Variants in QSOX2 observed in about 807,000 individuals in gnomAD.
QSOX2 encodes quiescin sulfhydryl oxidase 2, also known as sulfhydryl oxidase 2.
In QSOX2, 46 loss-of-function variants were observed where a neutral mutation model predicts 61.7. That is an observed-to-expected ratio of 0.75 (90% confidence interval 0.59 to 0.95). QSOX2 has a LOEUF of 0.95. Ranked by LOEUF, QSOX2 falls within the 40% of genes least tolerant of loss-of-function variation. QSOX2 has a pLI of 0.00. For synonymous variants in QSOX2, 383 were observed against 388.4 expected, an observed-to-expected ratio of 0.99 and a Z score of 0.16; for missense variants, 879 against 918.9, an observed-to-expected ratio of 0.96 and a Z score of 0.56.
chr9:136,223,672 C>A lies in QSOX2; in HGVS notation c.675+91G>T. 2 of 943,946 alleles carry A rather than the reference C, an allele frequency of 2.1e-6. No individual in the cohort carries two copies. Among genetic ancestry groups the A allele is most frequent in the Non-Finnish European group, 3.3e-6 (2 of 604,712 alleles). The allele number at this position is 943,946 out of a possible 1,614,324, so 58.5% of individuals were successfully genotyped here. On this transcript the variant is annotated intron_variant, in intron 5 of 11. Transcript: ENST00000358701. This position sits in a 1 kb window ranked among gnomAD's most constrained non-coding sequence, Gnocchi z 4.4. ...ACAGACAGGACACGAGATGCCGACACAGTGACCGGCACCTGCAAATCTCAT... is the reference window on the plus strand; with the variant it reads ...ACAGACAGGACACGAGATGCCGACAAAGTGACCGGCACCTGCAAATCTCAT...
At chr9:136,236,170 G>A (rs1440060162) in intron 1 of QSOX2, among the ~76,000 whole-genome samples, 1 of 152,126 alleles carries the variant, frequency 6.6e-6, no homozygotes, top group African/African-American at 2.4e-5. Flanking sequence ...CAACGCTCCT[G>A]ACCCTCCACC....
chr9:136,236,789 G>A (rs1402396310), intron 1 of QSOX2, among the ~76,000 whole-genome samples: 1 of 134,900 alleles, frequency 7.4e-6, no homozygotes, highest in African/African-American at 2.8e-5. Context: ...GTCCTGGGCC[G>A]GCGACACCTG....
At chr9:136,226,675 G>A in intron 2 of QSOX2, 99 bp downstream of exon 2, 1 of 943,788 alleles carries the variant, frequency 1.1e-6, no homozygotes, top group South Asian at 1.3e-5. Flanking sequence ...CAGGCACTAT[G>A]ATGTGGCGAA....
Position 136,209,018 on chromosome 9 carries a change from C to G in QSOX2, c.1807G>C (p.Asp603His), listed in dbSNP as rs1316965371. The G allele has an allele frequency of 6.2e-7, 1 of 1,614,020 alleles. No individual in the cohort carries two copies. The highest frequency in any genetic ancestry group is 2.2e-5 in the East Asian group (1 of 44,872). The change falls in exon 12 of 12, where the codon GAC becomes CAC. Residue 603 changes from aspartate (D) to histidine (H), a missense_variant. Asp to His is a moderately conservative substitution (Grantham distance 81). Coordinates refer to ENST00000358701, the MANE Select transcript of QSOX2 (RefSeq NM_181701.4). The surrounding 1 kb of genome is among the most constrained non-coding windows in gnomAD (Gnocchi z 5.6). The part of the protein sequence containing the change: ...RLTPPEVSHG[D>H]RDTQSVRPPG... ...GGACGGACGCTCTGGGTGTCTCGGT[C>G]TCCATGGGACACCTCTGGGGGAGTG... is the stretch of plus-strand genomic sequence containing the variant.
In QSOX2 at chr9:136,224,816, A is replaced by G. The variant is rs745439056; in HGVS notation, c.478+45T>C. ...GGGACCGTGTGTCTTTAGCAGGTTT[A>G]TGAGGGGAATCTCAGGGACTAAAAT... On this transcript the variant is annotated intron_variant, in intron 3 of 11. Coordinates refer to ENST00000358701, the MANE Select transcript of QSOX2 (RefSeq NM_181701.4). 1.4e-5 allele frequency: 19 copies of G among 1,395,900 alleles called. 1 individual carries two copies. The highest frequency in any genetic ancestry group is 1.6e-5 in the Non-Finnish European group (16 of 995,616). The allele number at this position is 1,395,900 out of a possible 1,614,324, so 86.5% of individuals were successfully genotyped here. A position where few individuals can be genotyped will look rare whatever the true frequency, so the allele number is the denominator to read the frequency against.
intron 1 of QSOX2, among the ~76,000 whole-genome samples, chr9:136,232,294 C>T (rs959832539): frequency 3.3e-5 from 5 of 152,168 alleles, no homozygotes; most frequent in African/African-American, 9.7e-5. Context: ...CCCTCCTCTT[C>T]GTGACACATG....
chr9:136,210,721 T>G, intron 11 of QSOX2: 1 of 985,186 alleles, frequency 1.0e-6, no homozygotes, highest in Non-Finnish European at 1.2e-6. Flanking sequence ...TCTATTCATC[T>G]CTATTAAGAT....
chr9:136,237,335 G>A (rs1218540129), intron 1 of QSOX2, among the ~76,000 whole-genome samples: 2 of 114,892 alleles, frequency 1.7e-5, no homozygotes, highest in Non-Finnish European at 3.6e-5. Flanking sequence ...GCCTGCTCTG[G>A]GCCGGCGTCA....
chr9:136,224,524 A>C (rs975215884), intron 3 of QSOX2, among the ~76,000 whole-genome samples: 2 of 152,192 alleles, frequency 1.3e-5, no homozygotes, highest in African/African-American at 2.4e-5. Flanking sequence ...GCGGGGTCTG[A>C]TCACACTCTG....
chr9:136,208,560 AGAAGAGCGTTTGTAAAACCAGGACTTT>A lies in QSOX2; in HGVS notation c.*141_*167del, dbSNP rs768246075. 2.8e-5 allele frequency: 20 copies of A among 713,336 alleles called. No individual in the cohort carries two copies. The highest frequency in any genetic ancestry group is 4.4e-5 in the Non-Finnish European group (20 of 455,950). The allele number at this position is 713,336 out of a possible 1,614,324, so 44.2% of individuals were successfully genotyped here. ...AATTACCCCGTGTTCTTCCCTTGTT[AGAAGAGCGTTTGTAAAACCAGGACTTT>A]GAAGCCAAAAGGTGCCATCCGATGT... On this transcript the variant is annotated 3_prime_UTR_variant, in exon 12 of 12. Coordinates refer to ENST00000358701, the MANE Select transcript of QSOX2 (RefSeq NM_181701.4).
rs772653004 is a variant in QSOX2 at position 136,208,778 on chromosome 9, GGAA to G, written c.2044_2046del (p.Phe682del). On this transcript the variant is annotated inframe_deletion, in exon 12 of 12. Coordinates refer to ENST00000358701, the MANE Select transcript of QSOX2 (RefSeq NM_181701.4). ...ACCTTCCACCGCCTGGACCTCACCC[GGAA>G]GAAGAAGTACATCACCATGAGGAAC... 5.3e-5 allele frequency: 85 copies of G among 1,613,634 alleles called. No homozygotes were observed. The highest frequency in any genetic ancestry group is 1.6e-4 in the Middle Eastern group (1 of 6,084).
intron 2 of QSOX2, among the ~76,000 whole-genome samples, chr9:136,226,283 C>T (rs1830279413): frequency 6.6e-6 from 1 of 152,336 alleles, no homozygotes. Context: ...ACAGGTACCT[C>T]CGCCCCCTAG....
intron 8 of QSOX2, 140 bp downstream of exon 8, chr9:136,218,539 G>T: frequency 1.0e-6 from 1 of 998,968 alleles, no homozygotes; most frequent in South Asian, 1.7e-5. Context: ...ATGAGTTGGG[G>T]CGTGGGCCTG....
At chr9:136,215,987 G>C (rs1359154503) in intron 9 of QSOX2, among the ~76,000 whole-genome samples, 1 of 152,244 alleles carries the variant, frequency 6.6e-6, no homozygotes, top group Non-Finnish European at 1.5e-5. Context: ...GCTGCAGCCA[G>C]CAAATGACAA....
At chr9:136,238,029 C>T (rs1010590906) in intron 1 of QSOX2, among the ~76,000 whole-genome samples, 2 of 152,166 alleles carry the variant, frequency 1.3e-5, no homozygotes, top group Admixed American at 6.5e-5. Flanking sequence ...CAGATGAGGT[C>T]GGCGAGCTCA....
chr9:136,224,962 A>G (rs1294290644), intron 2 of QSOX2, 53 bp from the exon 3 acceptor site: 2 of 1,419,788 alleles, frequency 1.4e-6, no homozygotes, highest in Non-Finnish European at 2.0e-6. Flanking sequence ...GGGCATCTGC[A>G]TGTGTTTAAG....
chr9:136,223,724 C>T lies in QSOX2; in HGVS notation c.675+39G>A. The T allele has an allele frequency of 1.9e-6, 3 of 1,551,346 alleles. No homozygotes were observed. The highest frequency in any genetic ancestry group is 2.2e-5 in the South Asian group (2 of 89,102). On this transcript the variant is annotated intron_variant, in intron 5 of 11. Transcript: ENST00000358701. This position sits in a 1 kb window ranked among gnomAD's most constrained non-coding sequence, Gnocchi z 4.4. ...ACAGATCCACCGCCAACCCCAATCA[C>T]ACCACGTGTGACACCTGGAGCCCAC... is the stretch of plus-strand genomic sequence containing the variant.
chr9:136,242,341 C>T (rs1830439476), intron 1 of QSOX2, among the ~76,000 whole-genome samples: 1 of 152,406 alleles, frequency 6.6e-6, no homozygotes, highest in African/African-American at 2.4e-5. Flanking sequence ...ACCTAACCAT[C>T]CTCTCCAGCA....
Position 136,223,758 on chromosome 9 carries a change from C to CTT in QSOX2, c.675+4_675+5insAA, listed in dbSNP as rs778965742. ...TGACACCTGGAGCCCACGCAGAGGC[C>CTT]GTACCTCCCGTCCAAGGTAGGAGCT... On this transcript the variant is annotated splice_donor_region_variant and intron_variant, in intron 5 of 11. Transcript: ENST00000358701. This position sits in a 1 kb window ranked among gnomAD's most constrained non-coding sequence, Gnocchi z 4.4. The CTT allele has an allele frequency of 1.2e-5, 19 of 1,613,026 alleles. No homozygotes were observed. The highest frequency in any genetic ancestry group is 3.4e-6 in the Non-Finnish European group (4 of 1,179,412).
Sources: allele counts gnomAD v4.1 joint callset (sites outside exome capture counted in the v4.1 genomes callset), GRCh38; gene constraint gnomAD v4.1.1; non-coding constraint Gnocchi (gnomAD v3.1); transcripts MANE v1.5; gene names NCBI Gene and HGNC (gene_info 2026-07-23, HGNC 2026-07-21).